Variants in STAG2 observed in about 807,000 individuals in gnomAD.
The protein encoded by STAG2 is cohesin subunit SA-2.
STAG2 carries 14 observed loss-of-function variants against 108.1 expected under a neutral mutation model. That is an observed-to-expected ratio of 0.13 (90% CI 0.09 to 0.20). The LOEUF (loss-of-function observed/expected upper bound fraction) is 0.20, where lower values mean the gene tolerates loss of function less well. Ranked by LOEUF, STAG2 falls within the 10% of genes least tolerant of loss-of-function variation. The pLI, the probability that STAG2 is intolerant of heterozygous loss-of-function variation, is 1.00. For synonymous variants in STAG2, 307 were observed against 302.7 expected (o/e 1.01, Z -0.15); for missense variants, 440 against 940.9 (o/e 0.47, Z 6.96).
Position 124,095,400 on chromosome X carries a change from C to T in STAG2, c.3734C>T (p.Thr1245Ile), listed in dbSNP as rs1317142770. Residue 1245 changes from threonine to isoleucine, a missense_variant, in exon 34 of 35, where the codon ACA becomes ATA. Physicochemically the swap from Thr to Ile is moderately conservative, Grantham distance 89 (BLOSUM62 -1). This residue lies in a region of STAG2 where 337 missense variants were observed against 649.3 expected (regional missense o/e 0.52). Coordinates refer to ENST00000371145, the MANE Select transcript of STAG2 (RefSeq NM_001042750.2). Reference sequence around the variant, plus strand: ...CCATCAAAGAACAGACGAGAGAGAACAGAACTGAAGCCTGATTTCTTTGAT... The same window carrying T: ...CCATCAAAGAACAGACGAGAGAGAATAGAACTGAAGCCTGATTTCTTTGAT... ...LPPSKNRRER[T>I]ELKPDFFDPA... 2 of 1,210,179 alleles carry T rather than the reference C, an allele frequency of 1.7e-6. No individual in the cohort carries two copies. The highest frequency in any genetic ancestry group is 3.0e-5 in the East Asian group (1 of 33,835).
At position 124,099,050 on chromosome X, in the gene STAG2, A is replaced by C. The variant is rs776307372; in HGVS notation, c.3784-1524A>C. On this transcript the variant is annotated intron_variant, in intron 34 of 34. Coordinates refer to ENST00000371145, the MANE Select transcript of STAG2 (RefSeq NM_001042750.2). ...GTGTTGGCACAGAAAAGAAAGTGTC[A>C]CTACTCTCATTCTCTTGTGTTGAGA... is the stretch of plus-strand genomic sequence containing the variant. 2.7e-5 allele frequency among the ~76,000 whole-genome samples: 3 copies of C among 112,174 alleles called. No homozygotes were observed. The South Asian group carries it at 1.1e-3, about 41-fold the overall frequency.
intron 1 of STAG2, among the ~76,000 whole-genome samples, chrX:123,991,758 G>A (rs558955544): frequency 8.2e-5 from 9 of 110,120 alleles, no homozygotes; most frequent in African/African-American, 2.0e-4. Flanking sequence ...TCCGCCTCCC[G>A]GGTTCAAGCG....
chrX:124,038,424 A>T (rs1192663218), intron 6 of STAG2, among the ~76,000 whole-genome samples: 2 of 108,983 alleles, frequency 1.8e-5, no homozygotes, highest in African/African-American at 6.7e-5. Flanking sequence ...TTTTTTTTTT[A>T]ATGAAAGTGG....
intron 20 of STAG2, 34 bp downstream of exon 20, chrX:124,064,085 G>T (rs1569515997): frequency 1.9e-6 from 2 of 1,063,631 alleles, no homozygotes; most frequent in Non-Finnish European, 1.3e-6. Flanking sequence ...TATTTTGTCA[G>T]TTGAGCCCCT....
chrX:124,095,333 A>G (rs769312035), intron 33 of STAG2, 39 bp from the exon 34 acceptor site: 1 of 1,091,680 alleles, frequency 9.2e-7, no homozygotes. Flanking sequence ...TTGTAGATAT[A>G]GCTAAACTAA....
intron 1 of STAG2, among the ~76,000 whole-genome samples, chrX:124,012,462 A>G (rs1207984339): frequency 8.9e-6 from 1 of 112,154 alleles, no homozygotes; most frequent in Non-Finnish European, 1.9e-5. Context: ...GAAGTACTAT[A>G]GTGTGTTGAC....
rs367799936 is a variant in STAG2, at chrX:124,076,508, A to G, written c.2673+37A>G. The G allele has an allele frequency of 4.2e-5, 46 of 1,097,167 alleles. 2 individuals carry two copies. In the Admixed American group the frequency reaches 8.4e-4, roughly 20 times the overall value. The allele number at this position is 1,097,167 out of a possible 1,213,427, so 90.4% of individuals were successfully genotyped here. A position where few individuals can be genotyped will look rare whatever the true frequency, so the allele number is the denominator to read the frequency against. ...AAATGGATAGCAAGATAGTTTTAAAATGCAACGCTAGTTTTTATGCATGGC... is the reference window on the plus strand; with the variant it reads ...AAATGGATAGCAAGATAGTTTTAAAGTGCAACGCTAGTTTTTATGCATGGC... On this transcript the variant is annotated intron_variant, in intron 26 of 34. Transcript: ENST00000371145.
chrX:124,083,782 G>A (rs1410708343), intron 29 of STAG2, among the ~76,000 whole-genome samples: 2 of 111,784 alleles, frequency 1.8e-5, no homozygotes, highest in Non-Finnish European at 3.8e-5. Context: ...CTTTTGACAC[G>A]TAATTTGAAT....
In STAG2 at chrX:124,042,195, A is replaced by G. The variant is rs368036651; in HGVS notation, c.386-374A>G. ...TTCCTTATCTTCAGCTTCATCCCCAAGGTTTTAAGTGTTATACTAGATGCT... is the reference window on the plus strand; with the variant it reads ...TTCCTTATCTTCAGCTTCATCCCCAGGGTTTTAAGTGTTATACTAGATGCT... On this transcript the variant is annotated intron_variant, in intron 6 of 34. Coordinates refer to ENST00000371145, the MANE Select transcript of STAG2 (RefSeq NM_001042750.2). 2.2e-4 allele frequency among the ~76,000 whole-genome samples: 24 copies of G among 110,885 alleles called. No individual in the cohort carries two copies. In the East Asian group the frequency reaches 6.2e-3, roughly 29 times the overall value.
chrX:123,963,905 G>C (rs2053980389), intron 1 of STAG2, among the ~76,000 whole-genome samples: 1 of 111,325 alleles, frequency 9.0e-6, no homozygotes, highest in South Asian at 3.7e-4. Context: ...GCTATCTTTG[G>C]GTAGAAGTGT....
chrX:124,068,920 G>A (rs779650784), intron 24 of STAG2, among the ~76,000 whole-genome samples: 1 of 111,693 alleles, frequency 9.0e-6, no homozygotes, highest in South Asian at 3.7e-4. Context: ...ATGGTAAACA[G>A]ACTTCATACA....
rs749744551 is a variant in STAG2, at chrX:123,969,952, GTTT to G, written c.-163+8121_-163+8123del. On this transcript the variant is annotated intron_variant, in intron 1 of 34. Transcript: ENST00000371145. ...GTGAGCCACCGCACCCGGTCTTCCT[GTTT>G]TTTTTTTTTTTTTTTTTTTTTTTTA... Among the ~76,000 whole-genome samples, 220 of 39,160 alleles carry G rather than the reference GTTT, an allele frequency of 5.6e-3. 3 individuals carry two copies. The highest frequency in any genetic ancestry group is 0.022 in the African/African-American group (205 of 9,337). The allele number at this position is 39,160 out of a possible 115,157, so 34.0% of individuals were successfully genotyped here.
At position 123,996,409 on chromosome X, in the gene STAG2, C is replaced by G. The variant is rs138671031; in HGVS notation, c.-162-24958C>G. Among the ~76,000 whole-genome samples, 51 of 111,841 alleles carry G rather than the reference C, an allele frequency of 4.6e-4. No homozygotes were observed. In the East Asian group the frequency reaches 0.011, roughly 24 times the overall value. Reference sequence around the variant, plus strand: ...AAAAATTAAGATATTTATATACAGTCTAATTTACACTTTTTAGCGGATAGT... The same window carrying G: ...AAAAATTAAGATATTTATATACAGTGTAATTTACACTTTTTAGCGGATAGT... On this transcript the variant is annotated intron_variant, in intron 1 of 34. Coordinates refer to ENST00000371145, the MANE Select transcript of STAG2 (RefSeq NM_001042750.2).
intron 1 of STAG2, among the ~76,000 whole-genome samples, chrX:123,969,039 C>T (rs1449270756): frequency 8.9e-6 from 1 of 112,048 alleles, no homozygotes; most frequent in East Asian, 2.8e-4. Context: ...AGCATGCATT[C>T]TTATTTTAAT....
At chrX:123,999,003 A>G (rs1569497682) in intron 1 of STAG2, among the ~76,000 whole-genome samples, 1 of 111,010 alleles carries the variant, frequency 9.0e-6, no homozygotes, top group Non-Finnish European at 1.9e-5. Context: ...CTGTAGTCCC[A>G]GCTATTCAGG....
intron 5 of STAG2, among the ~76,000 whole-genome samples, chrX:124,036,180 A>C: frequency 8.9e-6 from 1 of 112,003 alleles, no homozygotes; most frequent in Admixed American, 9.5e-5. Context: ...TCCTTGATTT[A>C]TCTTTATTGT....
At chrX:124,060,695 G>A (rs1030004292) in intron 15 of STAG2, among the ~76,000 whole-genome samples, 3 of 109,457 alleles carry the variant, frequency 2.7e-5, no homozygotes, top group Admixed American at 9.8e-5. Context: ...AGGCTGAGGT[G>A]GGTGGATCAC....
At chrX:124,067,774 G>A (rs1200489503) in intron 23 of STAG2, among the ~76,000 whole-genome samples, 2 of 111,649 alleles carry the variant, frequency 1.8e-5, no homozygotes, top group Non-Finnish European at 3.8e-5. Context: ...GCTCACGCCT[G>A]TACTCCCAAT....
chrX:124,014,430 G>A (rs915174570), intron 1 of STAG2, among the ~76,000 whole-genome samples: 1 of 109,863 alleles, frequency 9.1e-6, no homozygotes, highest in East Asian at 2.9e-4. Flanking sequence ...GCACGATCTC[G>A]GCTCACTGCA....
Sources: allele counts gnomAD v4.1 joint callset (sites outside exome capture counted in the v4.1 genomes callset), GRCh38; gene constraint gnomAD v4.1.1; regional missense constraint gnomAD v4.1.1; transcripts MANE v1.5; gene names NCBI Gene and HGNC (gene_info 2026-07-23, HGNC 2026-07-21).